Variants in CNOT2 observed in about 807,000 individuals in gnomAD.
CNOT2 encodes the protein CCR4-NOT transcription complex subunit 2.
CNOT2 carries 7 observed loss-of-function variants against 72.1 expected under a neutral mutation model. The ratio of observed to expected loss-of-function variants is 0.10; its 90% CI spans 0.06 to 0.18. The LOEUF is 0.18. CNOT2 is among the 10% of genes least tolerant of loss of function. The probability of loss-of-function intolerance (pLI) is 1.00; values close to 1 mark genes in which losing one functional copy is unlikely to be tolerated. For missense variants in CNOT2, 345 were observed against 660.3 expected, an observed-to-expected ratio of 0.52 and a Z score of 5.23; for synonymous variants, 196 against 225.6, an observed-to-expected ratio of 0.87 and a Z score of 1.17.
chr12:70,263,426 A>G (rs1054245597), intron 1 of CNOT2, among the ~76,000 whole-genome samples: 6 of 151,954 alleles, frequency 3.9e-5, no homozygotes, highest in African/African-American at 1.5e-4. Context: ...AACCCTATGA[A>G]TCTGTTGTCA....
At chr12:70,271,329 A>G (rs1341545555) in intron 1 of CNOT2, among the ~76,000 whole-genome samples, 3 of 151,052 alleles carry the variant, frequency 2.0e-5, no homozygotes, top group Non-Finnish European at 4.4e-5. Flanking sequence ...TCAATTACTG[A>G]CAAGAGGGAT....
At chr12:70,281,803 C>T (rs1249871424) in intron 2 of CNOT2, among the ~76,000 whole-genome samples, 1 of 111,712 alleles carries the variant, frequency 9.0e-6, no homozygotes, top group Non-Finnish European at 2.2e-5. Flanking sequence ...AGGAACTAGT[C>T]ACAAGTAGCT....
Position 70,337,428 on chromosome 12 carries a change from A to C in CNOT2, c.815A>C (p.Asp272Ala). ...VTKPANEQSQ[D>A]FSIHNEDFPA... is the part of the protein sequence containing the mutation. ...AAACCAGCAAATGAACAATCCCAGGACTTCTCAATACACAATGAAGATTTT... is the reference window on the plus strand; with the variant it reads ...AAACCAGCAAATGAACAATCCCAGGCCTTCTCAATACACAATGAAGATTTT... The change falls in exon 9 of 16, where the codon GAC (aspartate) becomes GCC (alanine). Residue 272 changes from aspartate (D) to alanine (A), a missense_variant. Asp to Ala is a moderately radical substitution (Grantham distance 126). Coordinates refer to ENST00000229195, the MANE Select transcript of CNOT2 (RefSeq NM_014515.7). 6.2e-7 allele frequency: 1 copy of C among 1,609,136 alleles called. No individual in the cohort carries two copies. The highest frequency in any genetic ancestry group is 8.5e-7 in the Non-Finnish European group (1 of 1,176,002).
rs1880827083 is a variant in CNOT2, at chr12:70,337,254, T to C, written c.776-135T>C. On this transcript the variant is annotated intron_variant, in intron 8 of 15. Transcript: ENST00000229195. ...TTCATTGTTACCCTGGATACTAATTTTTTGAAGTACGCTTTCATAGCATTA... is the reference window on the plus strand; with the variant it reads ...TTCATTGTTACCCTGGATACTAATTCTTTGAAGTACGCTTTCATAGCATTA... 3 of 612,802 alleles carry C rather than the reference T, an allele frequency of 4.9e-6. No individual in the cohort carries two copies. The Admixed American group carries it at 9.1e-5, about 19-fold the overall frequency. The allele number at this position is 612,802 out of a possible 1,614,324, so 38.0% of individuals were successfully genotyped here.
chr12:70,337,170 G>T (rs1880817747), intron 8 of CNOT2: 1 of 365,164 alleles, frequency 2.7e-6, no homozygotes, highest in South Asian at 5.7e-5. Context: ...GATTACTGTT[G>T]ATTTCCCTTG....
chr12:70,348,438 G>A (rs1412770845), intron 15 of CNOT2, among the ~76,000 whole-genome samples: 2 of 152,102 alleles, frequency 1.3e-5, no homozygotes, highest in African/African-American at 2.4e-5. Context: ...TCTTGGTCCA[G>A]AACTATATTT....
chr12:70,295,543 A>G (rs900063032), intron 2 of CNOT2, among the ~76,000 whole-genome samples: 2 of 151,978 alleles, frequency 1.3e-5, no homozygotes. Context: ...TTCCTTCTGT[A>G]TGCATAGAGG....
chr12:70,299,073 A>C (rs1873348122), intron 2 of CNOT2, among the ~76,000 whole-genome samples: 1 of 152,002 alleles, frequency 6.6e-6, no homozygotes, highest in African/African-American at 2.4e-5. Flanking sequence ...AAAGAGGTTT[A>C]ATTGACTCAC....
At chr12:70,280,655 A>T (rs1443709103) in intron 2 of CNOT2, among the ~76,000 whole-genome samples, 1 of 152,178 alleles carries the variant, frequency 6.6e-6, no homozygotes, top group Non-Finnish European at 1.5e-5. Context: ...TCCAGGTCTC[A>T]TTTCCTTACA....
chr12:70,307,145 C>G (rs1231637103), intron 2 of CNOT2, among the ~76,000 whole-genome samples: 1 of 152,186 alleles, frequency 6.6e-6, no homozygotes, highest in Non-Finnish European at 1.5e-5. Flanking sequence ...CAGTATACTA[C>G]TGTGGACATT....
At chr12:70,324,713 G>C (rs975119483) in intron 4 of CNOT2, among the ~76,000 whole-genome samples, 11 of 151,864 alleles carry the variant, frequency 7.2e-5, no homozygotes, top group Non-Finnish European at 4.4e-5. Flanking sequence ...TCTCATAGTT[G>C]TGGAAGCCAC....
chr12:70,250,843 G>C (rs1018922770), intron 1 of CNOT2, among the ~76,000 whole-genome samples: 1 of 152,114 alleles, frequency 6.6e-6, no homozygotes, highest in Admixed American at 6.6e-5. Context: ...CTCTAAAGGG[G>C]AGAAGAGGTG....
intron 15 of CNOT2, among the ~76,000 whole-genome samples, chr12:70,349,193 AG>A (rs1882569748): frequency 6.6e-6 from 1 of 152,158 alleles, no homozygotes; most frequent in Non-Finnish European, 1.5e-5. Flanking sequence ...AATTCTTTAA[AG>A]GATGTGTTCA....
intron 1 of CNOT2, among the ~76,000 whole-genome samples, chr12:70,266,848 G>GT (rs1453313843): frequency 2.7e-5 from 4 of 150,070 alleles, no homozygotes; most frequent in East Asian, 2.0e-4. Context: ...TCTTTTTTTT[G>GT]TTTTTTTAAC....
chr12:70,273,235 C>T (rs1020347040), intron 1 of CNOT2, among the ~76,000 whole-genome samples: 1 of 152,234 alleles, frequency 6.6e-6, no homozygotes, highest in Non-Finnish European at 1.5e-5. Context: ...CTAGTTAGTA[C>T]ATTTATTTCA....
chr12:70,265,321 T>TTCTCGTCTCG (rs1555188216), intron 1 of CNOT2, among the ~76,000 whole-genome samples: 1 of 146,688 alleles, frequency 6.8e-6, no homozygotes, highest in Non-Finnish European at 1.5e-5. Flanking sequence ...TTCTCTTCTC[T>TTCTCGTCTCG]TCTCTTTCTT....
intron 3 of CNOT2, among the ~76,000 whole-genome samples, chr12:70,311,389 C>T (rs1876428326): frequency 6.6e-6 from 1 of 151,888 alleles, no homozygotes; most frequent in Non-Finnish European, 1.5e-5. Context: ...TTTACGCAGA[C>T]TTGAAGATAT....
At chr12:70,304,469 C>CTGGAGTTTG (rs1874815522) in intron 2 of CNOT2, among the ~76,000 whole-genome samples, 1 of 152,206 alleles carries the variant, frequency 6.6e-6, no homozygotes, top group African/African-American at 2.4e-5. Flanking sequence ...GAGGTCCACT[C>CTGGAGTTTG]CAGACCCTGT....
At chr12:70,304,321 A>G (rs1874779181) in intron 2 of CNOT2, among the ~76,000 whole-genome samples, 1 of 150,740 alleles carries the variant, frequency 6.6e-6, no homozygotes. Flanking sequence ...TTTTTTCCCC[A>G]TCTTTGTGGT....
Sources: gnomAD v4.1 joint callset for allele counts (sites outside exome capture counted in the v4.1 genomes callset) on GRCh38, gnomAD v4.1.1 for gene constraint, MANE v1.5 for transcripts, NCBI Gene and HGNC (gene_info 2026-07-23, HGNC 2026-07-21) for gene names.